Variants in NKAIN2 observed in about 807,000 individuals in gnomAD.
NKAIN2 encodes sodium/potassium-transporting ATPase subunit beta-1-interacting protein 2.
NKAIN2 carries 14 observed loss-of-function variants against 32.6 expected under a neutral mutation model. The observed-to-expected ratio is 0.43, with a 90% confidence interval of 0.28 to 0.67. NKAIN2 has a LOEUF of 0.67. Ranked by LOEUF, NKAIN2 falls within the 30% of genes least tolerant of loss-of-function variation. The pLI is 0.17. For synonymous variants in NKAIN2, 80 were observed against 87.2 expected (o/e 0.92, Z 0.46); for missense variants, 198 against 258.3 (o/e 0.77, Z 1.60).
At chr6:124,492,064 A>G (rs888359508) in intron 3 of NKAIN2, among the ~76,000 whole-genome samples, 6 of 151,980 alleles carry the variant, frequency 3.9e-5, no homozygotes, top group African/African-American at 1.4e-4. Flanking sequence ...TTGTAAGAGA[A>G]TAAAGGTAAA....
intron 2 of NKAIN2, among the ~76,000 whole-genome samples, chr6:124,299,922 A>T (rs1055429764): frequency 1.3e-5 from 2 of 152,180 alleles, no homozygotes; most frequent in African/African-American, 4.8e-5. Context: ...GTTTCACATT[A>T]TTTCACATGG....
Position 124,823,216 on chromosome 6 carries a change from T to C in NKAIN2, c.618-4T>C. On this transcript the variant is annotated splice_polypyrimidine_tract_variant and splice_region_variant and intron_variant, in intron 6 of 6. Transcript: ENST00000368417. ...TGACTAAAAACATCTTTTCTCTCTC[T>C]CAGGTCAAAATAATACAGATGACTT... The C allele has an allele frequency of 6.3e-7, 1 of 1,594,842 alleles. No individual in the cohort carries two copies. Among genetic ancestry groups the C allele is most frequent in the Non-Finnish European group, 8.6e-7 (1 of 1,162,104 alleles).
intron 3 of NKAIN2, among the ~76,000 whole-genome samples, chr6:124,580,416 T>A (rs542349171): frequency 4.6e-5 from 7 of 152,334 alleles, no homozygotes; most frequent in African/African-American, 1.7e-4. Flanking sequence ...TGTTAGCTTA[T>A]GTAATCAATA....
chr6:124,464,558 A>T (rs1445126367), intron 3 of NKAIN2, among the ~76,000 whole-genome samples: 2 of 151,914 alleles, frequency 1.3e-5, no homozygotes, highest in Non-Finnish European at 2.9e-5. Flanking sequence ...GTTATAGTAT[A>T]CATGCCATCT....
At chr6:124,411,281 G>A (rs558740660) in intron 3 of NKAIN2, among the ~76,000 whole-genome samples, 9 of 152,100 alleles carry the variant, frequency 5.9e-5, no homozygotes. Context: ...TAGCCTTGAT[G>A]GTCTTTACAA....
intron 1 of NKAIN2, among the ~76,000 whole-genome samples, chr6:124,140,713 C>T (rs1787091768): frequency 6.6e-6 from 1 of 152,066 alleles, no homozygotes; most frequent in South Asian, 2.1e-4. Context: ...GTGTTTGTGT[C>T]TGTATTTTAC....
chr6:124,352,366 T>C (rs1378794014), intron 2 of NKAIN2, among the ~76,000 whole-genome samples: 2 of 152,250 alleles, frequency 1.3e-5, no homozygotes, highest in Non-Finnish European at 2.9e-5. Context: ...ATTTTTATTA[T>C]ATTTTCAACA....
chr6:124,731,482 T>C (rs928915485), intron 4 of NKAIN2, among the ~76,000 whole-genome samples: 5 of 139,320 alleles, frequency 3.6e-5, no homozygotes, highest in Non-Finnish European at 7.6e-5. Flanking sequence ...CACCGCATAT[T>C]CTCACTCATA....
chr6:124,179,277 A>G (rs802297), intron 1 of NKAIN2, among the ~76,000 whole-genome samples: 133,954 of 152,152 alleles, frequency 0.88, 59,080 homozygotes, highest in East Asian at 0.91. Context: ...GAGTTTGTCA[A>G]TACAGGCTTT....
At chr6:124,546,005 A>G (rs914837076) in intron 3 of NKAIN2, among the ~76,000 whole-genome samples, 6 of 151,542 alleles carry the variant, frequency 4.0e-5, no homozygotes, top group African/African-American at 9.8e-5. Flanking sequence ...GCTCTCCTAG[A>G]AAAAAAAAAA....
At chr6:124,051,239 T>G (rs1782384278) in intron 1 of NKAIN2, among the ~76,000 whole-genome samples, 1 of 151,986 alleles carries the variant, frequency 6.6e-6, no homozygotes, top group African/African-American at 2.4e-5. Context: ...TTAGGATTAA[T>G]TAGATAATGT....
chr6:124,282,436 G>C (rs951542146), intron 1 of NKAIN2, among the ~76,000 whole-genome samples: 2 of 150,448 alleles, frequency 1.3e-5, no homozygotes, highest in African/African-American at 4.9e-5. Context: ...CCTCGTCAAA[G>C]TCCTTCATTT....
chr6:124,091,939 G>C (rs916333635), intron 1 of NKAIN2, among the ~76,000 whole-genome samples: 2 of 151,862 alleles, frequency 1.3e-5, no homozygotes, highest in African/African-American at 4.8e-5. Context: ...TGCAAACTCA[G>C]GGCGTCTTAC....
At chr6:123,990,397 A>G (rs1282154712) in intron 1 of NKAIN2, among the ~76,000 whole-genome samples, 1 of 152,190 alleles carries the variant, frequency 6.6e-6, no homozygotes, top group African/African-American at 2.4e-5. Flanking sequence ...ATTCTTTGCT[A>G]TTTACACTTA....
At chr6:124,689,688 A>G (rs1048587100) in intron 4 of NKAIN2, among the ~76,000 whole-genome samples, 3 of 152,096 alleles carry the variant, frequency 2.0e-5, no homozygotes, top group Admixed American at 6.6e-5. Flanking sequence ...TGGATGTCCA[A>G]TTGTTCCAAA....
intron 3 of NKAIN2, among the ~76,000 whole-genome samples, chr6:124,583,216 C>T (rs1781585447): frequency 8.7e-6 from 1 of 115,224 alleles, no homozygotes; most frequent in Middle Eastern, 5.2e-3. Flanking sequence ...TTGGTAAAAC[C>T]TAAAGACTCC....
At chr6:124,425,874 A>AT (rs1774962020) in intron 3 of NKAIN2, among the ~76,000 whole-genome samples, 1 of 152,034 alleles carries the variant, frequency 6.6e-6, no homozygotes, top group African/African-American at 2.4e-5. Flanking sequence ...TCACAATATG[A>AT]TTTTTTTGCC....
chr6:123,962,469 T>C (rs1163984624), intron 1 of NKAIN2, among the ~76,000 whole-genome samples: 1 of 152,214 alleles, frequency 6.6e-6, no homozygotes, highest in African/African-American at 2.4e-5. Flanking sequence ...ACCCTATTCA[T>C]ATTTTCAATT....
At chr6:123,936,688 G>T (rs952802543) in intron 1 of NKAIN2, among the ~76,000 whole-genome samples, 2 of 152,080 alleles carry the variant, frequency 1.3e-5, no homozygotes, top group African/African-American at 4.8e-5. Context: ...CAAGACTTTT[G>T]ATGTTAGGGC....
Sources: allele counts gnomAD v4.1 joint callset (sites outside exome capture counted in the v4.1 genomes callset), GRCh38; gene constraint gnomAD v4.1.1; transcripts MANE v1.5; gene names NCBI Gene and HGNC (gene_info 2026-07-23, HGNC 2026-07-21).